Variants in WDR64 observed in about 807,000 individuals in gnomAD.
WDR64 encodes WD repeat-containing protein 64.
WDR64 carries 112 observed loss-of-function variants against 139.3 expected under a neutral mutation model. That is an observed-to-expected ratio of 0.80 (90% CI 0.69 to 0.94). The LOEUF is 0.94. Ranked by LOEUF, WDR64 falls within the 40% of genes least tolerant of loss-of-function variation. WDR64 has a pLI of 0.00. For missense variants in WDR64, 1,206 were observed against 1,293.1 expected (o/e 0.93, Z 1.03); for synonymous variants, 444 against 437.7 (o/e 1.01, Z -0.18).
Position 241,757,285 on chromosome 1 carries a change from TA to T in WDR64, c.1775del (p.Lys592ArgfsTer9). 1 of 1,612,670 alleles carries T rather than the reference TA, an allele frequency of 6.2e-7. No individual in the cohort carries two copies. Among genetic ancestry groups the T allele is most frequent in the South Asian group, 1.1e-5 (1 of 90,710 alleles). ...CACTCACTGGATTTCTGTTAAAGGG[TA>T]AGGAAGATGATATCTACCTCATGGT... The part of the protein sequence containing the change: ...RNGTIKMIQG[K>X]EDDIYLMVIW... On this transcript the variant is annotated frameshift_variant, in exon 15 of 28. Transcript: ENST00000437684. LOFTEE classifies it high-confidence loss of function.
intron 13 of WDR64, among the ~76,000 whole-genome samples, chr1:241,747,159 G>C (rs1036733298): frequency 4.6e-5 from 7 of 152,172 alleles, no homozygotes; most frequent in African/African-American, 1.7e-4. Context: ...TAGTGACGGC[G>C]GGGGTGGTGG....
In WDR64 at chr1:241,656,120, A is replaced by T. The variant is rs1656468509; in HGVS notation, c.145+3491A>T. Among the ~76,000 whole-genome samples the T allele has an allele frequency of 6.6e-6, 1 of 152,202 alleles. No individual in the cohort carries two copies. The highest frequency in any genetic ancestry group is 2.1e-4 in the South Asian group (1 of 4,830). On this transcript the variant is annotated intron_variant, in intron 1 of 27. Transcript: ENST00000437684. The surrounding 1 kb of genome is among the most constrained non-coding windows in gnomAD (Gnocchi z 4.3). ...TGATGAAAACTGCATACTGCTAGACAAGTTACCTTCTATCACGGGGCGGCC... is the reference window on the plus strand; with the variant it reads ...TGATGAAAACTGCATACTGCTAGACTAGTTACCTTCTATCACGGGGCGGCC...
chr1:241,793,644 G>C (rs1013378243), intron 25 of WDR64, among the ~76,000 whole-genome samples: 2 of 152,178 alleles, frequency 1.3e-5, no homozygotes, highest in African/African-American at 2.4e-5. Flanking sequence ...CCTGAAGACA[G>C]GGTGCTAAGG....
At chr1:241,713,337 A>G (rs573788006) in intron 9 of WDR64, among the ~76,000 whole-genome samples, 87 of 93,386 alleles carry the variant, frequency 9.3e-4, no homozygotes, top group Admixed American at 2.2e-3. Flanking sequence ...GGAAGGAAGG[A>G]AGGGAGGGAG....
chr1:241,687,020 G>A (rs1667028994), intron 7 of WDR64, among the ~76,000 whole-genome samples: 1 of 152,098 alleles, frequency 6.6e-6, no homozygotes, highest in African/African-American at 2.4e-5. Flanking sequence ...ACAGTTAAAA[G>A]TGGGCCAGGT....
chr1:241,769,626 C>A, intron 17 of WDR64, 121 bp downstream of exon 17: 1 of 864,148 alleles, frequency 1.2e-6, no homozygotes, highest in Non-Finnish European at 1.8e-6. Flanking sequence ...TTTACTTCAT[C>A]CCAGCATTAA....
chr1:241,711,252 AT>A (rs1574031567), intron 8 of WDR64, among the ~76,000 whole-genome samples: 1 of 151,232 alleles, frequency 6.6e-6, no homozygotes, highest in South Asian at 2.1e-4. Flanking sequence ...AAAAAAAAAA[AT>A]AGTAGAAGCA....
chr1:241,743,434 T>G (rs1669628201), intron 12 of WDR64, among the ~76,000 whole-genome samples: 1 of 152,156 alleles, frequency 6.6e-6, no homozygotes, highest in Admixed American at 6.6e-5. Context: ...GCTCTACCAC[T>G]TCCCGGCAAG....
At chr1:241,747,509 CAAACACTG>C (rs1195869245) in intron 13 of WDR64, among the ~76,000 whole-genome samples, 2 of 152,100 alleles carry the variant, frequency 1.3e-5, no homozygotes, top group Admixed American at 1.3e-4. Flanking sequence ...CAAATTTTGC[CAAACACTG>C]AAACACTGAT....
intron 13 of WDR64, among the ~76,000 whole-genome samples, chr1:241,746,876 C>A (rs577042074): frequency 1.3e-5 from 2 of 152,028 alleles, no homozygotes; most frequent in Admixed American, 6.5e-5. Flanking sequence ...TCTCCTGCCT[C>A]AGCCTTCTGA....
chr1:241,666,867 G>T (rs1442499523), intron 2 of WDR64, among the ~76,000 whole-genome samples: 2 of 152,172 alleles, frequency 1.3e-5, no homozygotes, highest in African/African-American at 4.8e-5. Context: ...ACACGGGAAA[G>T]ACTCAAGTAC....
At chr1:241,763,495 A>G (rs1658014743) in intron 15 of WDR64, among the ~76,000 whole-genome samples, 1 of 152,198 alleles carries the variant, frequency 6.6e-6, no homozygotes, top group Admixed American at 6.5e-5. Flanking sequence ...AGATAACTTG[A>G]GGTCAGGAGT....
chr1:241,750,554 GA>G (rs1669941188), intron 14 of WDR64, among the ~76,000 whole-genome samples: 1 of 152,186 alleles, frequency 6.6e-6, no homozygotes, highest in South Asian at 2.1e-4. Flanking sequence ...TACAATGAAC[GA>G]AATGTTGACT....
intron 22 of WDR64, among the ~76,000 whole-genome samples, chr1:241,781,874 T>C (rs1408141522): frequency 1.3e-5 from 2 of 152,238 alleles, no homozygotes; most frequent in African/African-American, 4.8e-5. Context: ...ATGTATATGT[T>C]CATGGAGTCA....
intron 8 of WDR64, among the ~76,000 whole-genome samples, chr1:241,706,785 A>T (rs991621056): frequency 1.3e-5 from 2 of 152,130 alleles, no homozygotes; most frequent in Admixed American, 6.6e-5. Context: ...TAAAAATCAA[A>T]TTTTTTCAGG....
rs974544843 is a variant in WDR64, at chr1:241,652,359, C to T, written c.-126C>T. ...TACCCGCACTATGGGATTTTAAGAT[C>T]AAAGGAATTAGACCTAGGGCAAAAA... On this transcript the variant is annotated 5_prime_UTR_variant, in exon 1 of 28. Coordinates refer to ENST00000437684, the MANE Select transcript of WDR64 (RefSeq NM_001367482.1). The T allele has an allele frequency of 5.2e-6, 5 of 957,040 alleles. No individual in the cohort carries two copies. The highest frequency in any genetic ancestry group is 6.1e-6 in the Non-Finnish European group (4 of 659,912). The allele number at this position is 957,040 out of a possible 1,614,324, so 59.3% of individuals were successfully genotyped here.
intron 15 of WDR64, among the ~76,000 whole-genome samples, chr1:241,757,917 G>T (rs1253528896): frequency 1.3e-5 from 2 of 151,980 alleles, no homozygotes; most frequent in Non-Finnish European, 2.9e-5. Context: ...AAAATAATTT[G>T]TAAGAAGTTG....
At chr1:241,690,300 G>A (rs550202058) in intron 8 of WDR64, among the ~76,000 whole-genome samples, 35 of 151,936 alleles carry the variant, frequency 2.3e-4, no homozygotes, top group African/African-American at 7.7e-4. Context: ...GTAAAACCCC[G>A]TCTCTACTAA....
intron 9 of WDR64, among the ~76,000 whole-genome samples, chr1:241,715,945 TGTTTATTATAGGTTTTCTAG>T: frequency 6.6e-6 from 1 of 152,230 alleles, no homozygotes; most frequent in Non-Finnish European, 1.5e-5. Context: ...CTTGAAAACG[TGTTTATTATAGGTTTTCTAG>T]CTCTCTCACC....
Sources: gnomAD v4.1 joint callset for allele counts (sites outside exome capture counted in the v4.1 genomes callset) on GRCh38, gnomAD v4.1.1 for gene constraint, Gnocchi (gnomAD v3.1) non-coding constraint, MANE v1.5 for transcripts, NCBI Gene and HGNC (gene_info 2026-07-23, HGNC 2026-07-21) for gene names.